The following FTO variants were observed in gnomAD, a reference collection of about 807,000 sequenced individuals.
The protein encoded by FTO is FTO alpha-ketoglutarate dependent dioxygenase.
FTO carries 47 observed loss-of-function variants against 63.9 expected under a neutral mutation model. That is an observed-to-expected ratio of 0.74 (90% CI 0.58 to 0.94). FTO has a LOEUF of 0.94. FTO is among the 40% of genes least tolerant of loss of function. The probability of loss-of-function intolerance (pLI) is 0.00; values close to 1 mark genes in which losing one functional copy is unlikely to be tolerated. For synonymous variants in FTO, 207 were observed against 224.4 expected, an observed-to-expected ratio of 0.92 and a Z score of 0.69; for missense variants, 562 against 618.1, an observed-to-expected ratio of 0.91 and a Z score of 0.96.
At chr16:54,073,619 T>C (rs1414055153) in intron 8 of FTO, among the ~76,000 whole-genome samples, 25 of 132,502 alleles carry the variant, frequency 1.9e-4, no homozygotes, top group African/African-American at 5.1e-4. Context: ...CTCTCTCCCC[T>C]TTTTTTTTTT....
At chr16:53,821,128 C>T (rs988797842) in intron 2 of FTO, among the ~76,000 whole-genome samples, 7 of 152,060 alleles carry the variant, frequency 4.6e-5, no homozygotes, top group Admixed American at 1.3e-4. Flanking sequence ...TGAATAAGGG[C>T]AGCAGAATTT....
Position 53,801,545 on chromosome 16 carries a change from A to T in FTO, c.46-8595A>T, listed in dbSNP as rs559376647. Among the ~76,000 whole-genome samples the T allele has an allele frequency of 2.6e-5, 4 of 152,098 alleles. No homozygotes were observed. The East Asian group carries it at 7.7e-4, about 29-fold the overall frequency. The stretch of plus-strand genomic sequence containing the variant: ...ACTCTTCATTCTCTTAAGTATTCAG[A>T]TTTTTATCTATTGTCCTTTTCTTTC... On this transcript the variant is annotated intron_variant, in intron 1 of 8. Transcript: ENST00000471389.
At chr16:54,040,192 T>C (rs1171638765) in intron 8 of FTO, 2 of 152,250 alleles carry the variant, frequency 1.3e-5, no homozygotes, top group South Asian at 4.1e-4. Context: ...TTTATTAATA[T>C]TCTTTTCTTT....
At chr16:53,993,698 T>C (rs912324325) in intron 8 of FTO, 2 of 152,232 alleles carry the variant, frequency 1.3e-5, no homozygotes, top group Admixed American at 6.5e-5. Flanking sequence ...CTGCTGCTTC[T>C]GAATATGAGC....
At chr16:53,892,814 T>C (rs539365786) in intron 7 of FTO, among the ~76,000 whole-genome samples, 13 of 152,326 alleles carry the variant, frequency 8.5e-5, no homozygotes, top group Non-Finnish European at 1.9e-4. Flanking sequence ...TGCTCTTTTT[T>C]CACTTTGTGG....
rs190726790 is a variant in FTO, at chr16:53,935,953, A to C, written c.1364+1844A>C. ...GGGAGGAAGAAAGAATTTCCCTGTAATATCTCCTCTGCTTCCCTTCCGTCC... is the reference window on the plus strand; with the variant it reads ...GGGAGGAAGAAAGAATTTCCCTGTACTATCTCCTCTGCTTCCCTTCCGTCC... On this transcript the variant is annotated intron_variant, in intron 8 of 8. Transcript: ENST00000471389. The C allele has an allele frequency of 7.9e-5, 12 of 152,282 alleles. No individual in the cohort carries two copies. The East Asian group carries it at 2.3e-3, about 29-fold the overall frequency. The allele number at this position is 152,282 out of a possible 1,614,324, so 9.4% of individuals were successfully genotyped here. A position where few individuals can be genotyped will look rare whatever the true frequency, so the allele number is the denominator to read the frequency against.
chr16:53,824,294 T>A (rs2078946820), intron 2 of FTO, among the ~76,000 whole-genome samples: 1 of 152,152 alleles, frequency 6.6e-6, no homozygotes, highest in Non-Finnish European at 1.5e-5. Flanking sequence ...AAAACAAGCC[T>A]TTTTTTGTCC....
chr16:53,851,722 T>C (rs540770452), intron 4 of FTO, among the ~76,000 whole-genome samples: 148 of 152,252 alleles, frequency 9.7e-4, no homozygotes, highest in Middle Eastern at 3.4e-3. Context: ...GTACATAATA[T>C]GTGCTGGAAA....
intron 8 of FTO, among the ~76,000 whole-genome samples, chr16:54,049,011 ATTCT>A (rs754170518): frequency 1.6e-4 from 24 of 151,756 alleles, no homozygotes; most frequent in African/African-American, 3.6e-4. Flanking sequence ...TTTCTCTTTC[ATTCT>A]TTCTTTCTTT....
At chr16:53,858,223 T>C (rs1316401281) in intron 4 of FTO, among the ~76,000 whole-genome samples, 5 of 152,340 alleles carry the variant, frequency 3.3e-5, no homozygotes, top group Admixed American at 3.3e-4. Flanking sequence ...ATTTAACATC[T>C]CTGAAATTGG....
chr16:53,759,925 GGCCA>G (rs1338422207), intron 1 of FTO, among the ~76,000 whole-genome samples: 17 of 151,912 alleles, frequency 1.1e-4, no homozygotes, highest in Non-Finnish European at 7.4e-5. Flanking sequence ...GGTTTCCTTG[GGCCA>G]ATGCTTCAGA....
At chr16:53,747,925 C>G (rs940636138) in intron 1 of FTO, among the ~76,000 whole-genome samples, 2 of 152,090 alleles carry the variant, frequency 1.3e-5, no homozygotes, top group African/African-American at 4.8e-5. Context: ...AGTGACTGTC[C>G]TTTCCCCAAA....
intron 4 of FTO, among the ~76,000 whole-genome samples, chr16:53,853,751 A>G (rs1380554113): frequency 2.0e-5 from 3 of 152,138 alleles, no homozygotes; most frequent in Admixed American, 2.0e-4. Context: ...TTGATTCCAT[A>G]TCTTTGCAAT....
At chr16:53,964,878 A>G (rs2083161736) in intron 8 of FTO, among the ~76,000 whole-genome samples, 1 of 152,226 alleles carries the variant, frequency 6.6e-6, no homozygotes, top group Non-Finnish European at 1.5e-5. Context: ...ATGGATACAT[A>G]TGAGACATTA....
At chr16:54,001,518 C>T (rs1198375060) in intron 8 of FTO, among the ~76,000 whole-genome samples, 4 of 152,174 alleles carry the variant, frequency 2.6e-5, no homozygotes, top group African/African-American at 7.2e-5. Flanking sequence ...GAAAACCTAG[C>T]TGTATTACAC....
At chr16:53,791,809 C>T (rs181825543) in intron 1 of FTO, among the ~76,000 whole-genome samples, 1 of 152,290 alleles carries the variant, frequency 6.6e-6, no homozygotes, top group East Asian at 1.9e-4. Context: ...CGCGGTGGCT[C>T]ACGCTTGTAA....
rs1474063795 is a variant in FTO at position 54,018,409 on chromosome 16, G to GATAGATAGATAGATAC, written c.1364+84303_1364+84304insGATAGATAGATACATA. Among the ~76,000 whole-genome samples, 621 of 142,152 alleles carry GATAGATAGATAGATAC rather than the reference G, an allele frequency of 4.4e-3. 1 individual carries two copies. Among genetic ancestry groups the GATAGATAGATAGATAC allele is most frequent in the Middle Eastern group, 0.011 (3 of 272 alleles). The allele number at this position is 142,152 out of a possible 152,430, so 93.3% of individuals were successfully genotyped here. Reference sequence around the variant, plus strand: ...TGATAGATAGATAGATAGATAGATAGATACATACATACATACATACATACA... The same window carrying GATAGATAGATAGATAC: ...TGATAGATAGATAGATAGATAGATAGATAGATAGATAGATACATACATACATACATACATACATACA... On this transcript the variant is annotated intron_variant, in intron 8 of 8. Transcript: ENST00000471389.
chr16:54,009,041 G>C (rs1368090570), intron 8 of FTO, among the ~76,000 whole-genome samples: 1 of 151,860 alleles, frequency 6.6e-6, no homozygotes, highest in Admixed American at 6.6e-5. Context: ...AGCAACTTGA[G>C]TGTGGCAGTG....
At chr16:53,832,424 G>A (rs1223421711) in intron 3 of FTO, among the ~76,000 whole-genome samples, 1 of 151,672 alleles carries the variant, frequency 6.6e-6, no homozygotes, top group Non-Finnish European at 1.5e-5. Flanking sequence ...TTTTTTTATT[G>A]TTTTTTATTT....
Sources: gnomAD v4.1 joint callset for allele counts (sites outside exome capture counted in the v4.1 genomes callset) on GRCh38, gnomAD v4.1.1 for gene constraint, MANE v1.5 for transcripts, NCBI Gene and HGNC (gene_info 2026-07-23, HGNC 2026-07-21) for gene names.